Variants in PDE4B observed in about 807,000 individuals in gnomAD.
PDE4B encodes the protein phosphodiesterase 4B, also known as 3',5'-cyclic-AMP phosphodiesterase 4B.
In PDE4B, 20 loss-of-function variants were observed where a neutral mutation model predicts 82.2. That is an observed-to-expected ratio of 0.24 (90% CI 0.17 to 0.35). The LOEUF is 0.35. Among genes scored for constraint, PDE4B ranks in the 10% least tolerant of loss-of-function variants. PDE4B has a pLI of 1.00. For missense variants in PDE4B, 655 were observed against 907.2 expected (o/e 0.72, Z 3.57); for synonymous variants, 320 against 318.9 (o/e 1.00, Z -0.04).
chr1:65,887,158 C>T (rs1031117865), intron 1 of PDE4B, among the ~76,000 whole-genome samples: 21 of 140,022 alleles, frequency 1.5e-4, no homozygotes, highest in Non-Finnish European at 2.5e-4. Flanking sequence ...TCCTTTCCTT[C>T]CTTCCTTCCT....
At chr1:65,912,694 T>C (rs1224478443) in intron 1 of PDE4B, among the ~76,000 whole-genome samples, 1 of 152,196 alleles carries the variant, frequency 6.6e-6, no homozygotes, top group Admixed American at 6.5e-5. Context: ...GTGGTAAAAA[T>C]TAAGATTAAG....
At chr1:66,317,984 C>T (rs917237614) in intron 7 of PDE4B, among the ~76,000 whole-genome samples, 2 of 152,154 alleles carry the variant, frequency 1.3e-5, no homozygotes, top group African/African-American at 4.8e-5. Flanking sequence ...TGTTGAAGGA[C>T]TCATTGTGGT....
intron 3 of PDE4B, among the ~76,000 whole-genome samples, chr1:66,106,409 T>A (rs536287190): frequency 6.6e-6 from 1 of 152,258 alleles, no homozygotes; most frequent in East Asian, 1.9e-4. Context: ...CTTTTTTAGT[T>A]GTGTCTCTGC....
chr1:66,076,400 G>A (rs925910291), intron 3 of PDE4B, among the ~76,000 whole-genome samples: 1 of 152,080 alleles, frequency 6.6e-6, no homozygotes, highest in Non-Finnish European at 1.5e-5. Context: ...GTTATATGTA[G>A]CACATTTTCT....
chr1:66,360,012 G>T (rs1267160738), intron 9 of PDE4B, among the ~76,000 whole-genome samples: 1 of 152,080 alleles, frequency 6.6e-6, no homozygotes, highest in Non-Finnish European at 1.5e-5. Flanking sequence ...GTGTGGGATT[G>T]TTATTGGTTC....
intron 3 of PDE4B, among the ~76,000 whole-genome samples, chr1:66,140,967 T>A (rs1253942904): frequency 6.6e-6 from 1 of 152,206 alleles, no homozygotes; most frequent in African/African-American, 2.4e-5. Flanking sequence ...TATTAACATT[T>A]TAGGTCTCTG....
chr1:66,002,278 T>C (rs1224174152), intron 3 of PDE4B, among the ~76,000 whole-genome samples: 1 of 152,156 alleles, frequency 6.6e-6, no homozygotes, highest in Non-Finnish European at 1.5e-5. Context: ...GCTATCCTTA[T>C]CTCTTTGGTA....
intron 7 of PDE4B, among the ~76,000 whole-genome samples, chr1:66,317,902 G>GAATAA (rs1390775013): frequency 6.6e-6 from 1 of 152,000 alleles, no homozygotes; most frequent in Non-Finnish European, 1.5e-5. Flanking sequence ...GTCTCTAAAA[G>GAATAA]AATAAAATAA....
At chr1:65,966,667 C>G (rs1157713858) in intron 3 of PDE4B, among the ~76,000 whole-genome samples, 1 of 152,000 alleles carries the variant, frequency 6.6e-6, no homozygotes, top group African/African-American at 2.4e-5. Context: ...GTTACAGTAA[C>G]CAAAACAGCA....
intron 3 of PDE4B, among the ~76,000 whole-genome samples, chr1:66,180,393 G>A (rs1647037945): frequency 6.6e-6 from 1 of 152,154 alleles, no homozygotes; most frequent in Admixed American, 6.6e-5. Context: ...GACATGTTAA[G>A]GAACAGAGTT....
intron 3 of PDE4B, among the ~76,000 whole-genome samples, chr1:65,931,692 C>T (rs961256594): frequency 6.6e-6 from 1 of 152,218 alleles, no homozygotes; most frequent in Non-Finnish European, 1.5e-5. Flanking sequence ...GAGCCTCCTG[C>T]ACCCAGACAC....
intron 1 of PDE4B, among the ~76,000 whole-genome samples, chr1:65,828,921 A>G (rs1234608105): frequency 3.9e-5 from 6 of 152,176 alleles, no homozygotes; most frequent in Non-Finnish European, 8.8e-5. Context: ...CAAATAGACG[A>G]CAGCTAGCAA....
rs559258844 is a variant in PDE4B at position 66,092,224 on chromosome 1, CTTG to C, written c.282-155229_282-155227del. Reference sequence around the variant, plus strand: ...TGAGTTAGAGTACAGTAAGTCCTCACTTGTTGTTGATAGGTTCTTGGAAACTGT... The same window carrying C: ...TGAGTTAGAGTACAGTAAGTCCTCACTTGTTGATAGGTTCTTGGAAACTGT... On this transcript the variant is annotated intron_variant, in intron 3 of 16. Transcript: ENST00000341517. Among the ~76,000 whole-genome samples the C allele has an allele frequency of 1.5e-4, 23 of 152,054 alleles. No individual in the cohort carries two copies. In the South Asian group the frequency reaches 4.8e-3, roughly 32 times the overall value.
chr1:65,825,837 G>A (rs545321210), intron 1 of PDE4B, among the ~76,000 whole-genome samples: 1 of 151,030 alleles, frequency 6.6e-6, no homozygotes, highest in South Asian at 2.1e-4. Context: ...CCTTTCCTGA[G>A]ATTTTTTTTT....
At chr1:66,187,126 G>A (rs547109283) in intron 3 of PDE4B, among the ~76,000 whole-genome samples, 1 of 152,126 alleles carries the variant, frequency 6.6e-6, no homozygotes, top group Non-Finnish European at 1.5e-5. Flanking sequence ...TTTATATGCT[G>A]GATTACGTTT....
Position 66,263,430 on chromosome 1 carries a change from T to C in PDE4B, c.585-2608T>C, listed in dbSNP as rs755260662. ...AGTGGCATATAGAACCAAGACTGTA[T>C]GTGAAAAGGAAACCAGATAAAATAT... is the stretch of plus-strand genomic sequence containing the variant. On this transcript the variant is annotated intron_variant, in intron 6 of 16. Transcript: ENST00000341517. Among the ~76,000 whole-genome samples, 4 of 152,360 alleles carry C rather than the reference T, an allele frequency of 2.6e-5. No homozygotes were observed. The South Asian group carries it at 6.2e-4, about 24-fold the overall frequency.
chr1:66,079,819 A>G (rs751284886), intron 3 of PDE4B, among the ~76,000 whole-genome samples: 8 of 152,164 alleles, frequency 5.3e-5, no homozygotes, highest in Non-Finnish European at 1.0e-4. Context: ...ATTAAAATAC[A>G]ATTTGTTAAA....
chr1:66,191,303 A>G (rs1306038709), intron 3 of PDE4B, among the ~76,000 whole-genome samples: 6 of 152,198 alleles, frequency 3.9e-5, no homozygotes, highest in Non-Finnish European at 7.3e-5. Context: ...CTACATCCTC[A>G]TAAGCATTTA....
intron 3 of PDE4B, among the ~76,000 whole-genome samples, chr1:65,958,233 T>C (rs1649356784): frequency 6.6e-6 from 1 of 152,082 alleles, no homozygotes; most frequent in Non-Finnish European, 1.5e-5. Context: ...CCTGCACTTA[T>C]TGAGATGGTT....
Sources: gnomAD v4.1 joint callset for allele counts (sites outside exome capture counted in the v4.1 genomes callset) on GRCh38, gnomAD v4.1.1 for gene constraint, MANE v1.5 for transcripts, NCBI Gene and HGNC (gene_info 2026-07-23, HGNC 2026-07-21) for gene names.